The following SLC38A12 variants were observed in gnomAD, a reference collection of about 807,000 sequenced individuals.
SLC38A12 encodes solute carrier family 38 member 12.
the SLC38A12 span, among the ~76,000 whole-genome samples, chr17:74,827,110 T>C: frequency 6.6e-6 from 1 of 152,010 alleles, no homozygotes; most frequent in Admixed American, 6.6e-5. This position sits in a 1 kb window ranked among gnomAD's most constrained non-coding sequence, Gnocchi z 4.7. Context: ...CAAGGGGAGC[T>C]AGATGAGAAC....
chr17:74,819,466 A>G, the SLC38A12 span, among the ~76,000 whole-genome samples: 5 of 152,380 alleles, frequency 3.3e-5, no homozygotes, highest in Non-Finnish European at 5.9e-5. Flanking sequence ...AGCAGGACGC[A>G]TGGGGTCCCT....
the SLC38A12 span, among the ~76,000 whole-genome samples, chr17:74,824,656 C>G: frequency 6.6e-6 from 1 of 152,224 alleles, no homozygotes; most frequent in African/African-American, 2.4e-5. Context: ...CGGGCCTGGG[C>G]TGCCGAGGAC....
chr17:74,811,919 A>G, the SLC38A12 span, among the ~76,000 whole-genome samples: 1 of 151,746 alleles, frequency 6.6e-6, no homozygotes, highest in Non-Finnish European at 1.5e-5. Flanking sequence ...GGTGGCATGC[A>G]TTTGTAGTCG....
chr17:74,834,527 C>G, the SLC38A12 span, among the ~76,000 whole-genome samples: 1 of 152,198 alleles, frequency 6.6e-6, no homozygotes, highest in Non-Finnish European at 1.5e-5. Flanking sequence ...AAGACATTGC[C>G]TGGTTTCCTG....
At chr17:74,795,496 C>G in the SLC38A12 span, 35 of 1,607,836 alleles carry the variant, frequency 2.2e-5, no homozygotes, top group Non-Finnish European at 2.7e-5. Flanking sequence ...CTCGCTGAGC[C>G]TGGGCCTGCT....
the SLC38A12 span, among the ~76,000 whole-genome samples, chr17:74,816,273 G>GC: frequency 1.3e-5 from 2 of 152,200 alleles, no homozygotes; most frequent in Admixed American, 6.5e-5. Flanking sequence ...GTGGTTTGAA[G>GC]CCCCCCAGTT....
the SLC38A12 span, among the ~76,000 whole-genome samples, chr17:74,818,641 G>A: frequency 7.2e-5 from 11 of 152,208 alleles, no homozygotes; most frequent in Admixed American, 4.6e-4. Context: ...GCCAGAGCCC[G>A]ACTCCCCAAG....
At chr17:74,813,560 G>A in the SLC38A12 span, among the ~76,000 whole-genome samples, 1 of 152,018 alleles carries the variant, frequency 6.6e-6, no homozygotes, top group Non-Finnish European at 1.5e-5. Context: ...CGCAATCTCA[G>A]CTTACCACAA....
chr17:74,836,512 C>T, the SLC38A12 span: 1 of 1,612,434 alleles, frequency 6.2e-7, no homozygotes. This position sits in a 1 kb window ranked among gnomAD's most constrained non-coding sequence, Gnocchi z 4.2. Context: ...GTCATCCCCG[C>T]CTTCCTGGTG....
At chr17:74,797,084 G>A in the SLC38A12 span, among the ~76,000 whole-genome samples, 1 of 152,156 alleles carries the variant, frequency 6.6e-6, no homozygotes, top group African/African-American at 2.4e-5. Flanking sequence ...GAGGCTGCTG[G>A]AATCTAAAGA....
At chr17:74,820,073 C>A in the SLC38A12 span, among the ~76,000 whole-genome samples, 1 of 152,238 alleles carries the variant, frequency 6.6e-6, no homozygotes, top group Non-Finnish European at 1.5e-5. Context: ...ATGATTGTTT[C>A]GAGGTCACAT....
At chr17:74,832,177 G>GTCCCTCCCTTCC in the SLC38A12 span, among the ~76,000 whole-genome samples, 1 of 152,060 alleles carries the variant, frequency 6.6e-6, no homozygotes. Flanking sequence ...CCTCCCCTCT[G>GTCCCTCCCTTCC]TCCCTCCCTT....
the SLC38A12 span, among the ~76,000 whole-genome samples, chr17:74,782,562 A>G: frequency 2.6e-5 from 4 of 152,190 alleles, no homozygotes; most frequent in Non-Finnish European, 2.9e-5. Flanking sequence ...CCTTGTACAC[A>G]TGAGCATGAA....
chr17:74,830,063 G>C, the SLC38A12 span, among the ~76,000 whole-genome samples: 1 of 152,196 alleles, frequency 6.6e-6, no homozygotes, highest in African/African-American at 2.4e-5. Context: ...TGCCCACAGA[G>C]ACCGAAGAGA....
the SLC38A12 span, among the ~76,000 whole-genome samples, chr17:74,794,855 C>G: frequency 6.6e-6 from 1 of 151,868 alleles, no homozygotes; most frequent in Non-Finnish European, 1.5e-5. Flanking sequence ...AGAAATAGGA[C>G]TTTGGGGTCA....
At chr17:74,799,354 C>T in the SLC38A12 span, among the ~76,000 whole-genome samples, 4 of 152,228 alleles carry the variant, frequency 2.6e-5, no homozygotes, top group African/African-American at 7.2e-5. Context: ...GAGACCCGGC[C>T]GCAAACTGCC....
At chr17:74,776,904 G>A in the SLC38A12 span, among the ~76,000 whole-genome samples, 1 of 152,216 alleles carries the variant, frequency 6.6e-6, no homozygotes, top group South Asian at 2.1e-4. Flanking sequence ...GTGGTAGTGA[G>A]CTCCTGGTTC....
chr17:74,810,364 G>A, the SLC38A12 span, among the ~76,000 whole-genome samples: 1 of 152,212 alleles, frequency 6.6e-6, no homozygotes, highest in Non-Finnish European at 1.5e-5. Context: ...ATCTCCCAAG[G>A]ACCTTCTAGT....
the SLC38A12 span, among the ~76,000 whole-genome samples, chr17:74,810,764 T>C: frequency 2.0e-5 from 3 of 152,212 alleles, no homozygotes; most frequent in African/African-American, 7.2e-5. Context: ...CTTGTGAAAG[T>C]GCAATCATCC....
Sources: allele counts gnomAD v4.1 joint callset (sites outside exome capture counted in the v4.1 genomes callset), GRCh38; gene constraint gnomAD v4.1.1; non-coding constraint Gnocchi (gnomAD v3.1); transcripts MANE v1.5; gene names NCBI Gene and HGNC (gene_info 2026-07-23, HGNC 2026-07-21).